The following PPP1R9A variants were observed in gnomAD, a reference collection of about 807,000 sequenced individuals.
The protein encoded by PPP1R9A is neurabin-1.
A neutral mutation model predicts 141.9 loss-of-function variants in PPP1R9A; 59 were observed. The observed-to-expected ratio is 0.42, with a 90% CI of 0.34 to 0.52. The LOEUF (loss-of-function observed/expected upper bound fraction) is 0.52. PPP1R9A is among the 20% of genes least tolerant of loss of function. The pLI is 0.10. For synonymous variants in PPP1R9A, 500 were observed against 569.7 expected, an observed-to-expected ratio of 0.88 and a Z score of 1.74; for missense variants, 1,444 against 1,611.9, an observed-to-expected ratio of 0.90 and a Z score of 1.78.
intron 2 of PPP1R9A, among the ~76,000 whole-genome samples, chr7:94,979,959 T>C (rs907658064): frequency 6.6e-6 from 1 of 152,122 alleles, no homozygotes. Context: ...AGGATTGAAA[T>C]ATTAAGTCAG....
intron 7 of PPP1R9A, among the ~76,000 whole-genome samples, chr7:95,204,967 A>T (rs371924614): frequency 1.8e-3 from 264 of 146,610 alleles, no homozygotes; most frequent in African/African-American, 6.3e-3. Flanking sequence ...CACACACCAC[A>T]CATACCCACA....
At chr7:95,201,709 T>C (rs1789602326) in intron 6 of PPP1R9A, among the ~76,000 whole-genome samples, 1 of 152,200 alleles carries the variant, frequency 6.6e-6, no homozygotes, top group South Asian at 2.1e-4. Flanking sequence ...ATTTCATATA[T>C]AATTGAACAA....
chr7:94,978,290 G>A (rs1163794134), intron 2 of PPP1R9A, among the ~76,000 whole-genome samples: 1 of 152,150 alleles, frequency 6.6e-6, no homozygotes, highest in Non-Finnish European at 1.5e-5. Flanking sequence ...GTACCAAAAA[G>A]CCAAATTATG....
chr7:94,923,087 T>C (rs924340553), intron 2 of PPP1R9A, among the ~76,000 whole-genome samples: 13 of 152,182 alleles, frequency 8.5e-5, no homozygotes, highest in Non-Finnish European at 1.3e-4. Context: ...ATTAAGTGCA[T>C]ATTTCTTAAA....
At chr7:95,134,324 GGGGGTCAAGGGGA>G (rs1333490332) in intron 4 of PPP1R9A, among the ~76,000 whole-genome samples, 1 of 152,132 alleles carries the variant, frequency 6.6e-6, no homozygotes, top group Non-Finnish European at 1.5e-5. Flanking sequence ...GTTGGTGGGT[GGGGGTCAAGGGGA>G]GGGAGAACAT....
chr7:95,034,914 A>C (rs577461864), intron 2 of PPP1R9A, among the ~76,000 whole-genome samples: 1 of 152,318 alleles, frequency 6.6e-6, no homozygotes, highest in South Asian at 2.1e-4. Context: ...GATGAGACCT[A>C]AATGCAGGGA....
intron 2 of PPP1R9A, among the ~76,000 whole-genome samples, chr7:95,047,904 A>G (rs1810255099): frequency 6.6e-6 from 1 of 152,198 alleles, no homozygotes; most frequent in Non-Finnish European, 1.5e-5. Flanking sequence ...ATAAGTATAA[A>G]AACATGCTGG....
At chr7:95,075,892 T>C (rs1814772806) in intron 2 of PPP1R9A, among the ~76,000 whole-genome samples, 1 of 151,938 alleles carries the variant, frequency 6.6e-6, no homozygotes, top group Admixed American at 6.6e-5. Context: ...GGGGCTTCTG[T>C]GGGGCAGAGC....
At position 95,291,822 on chromosome 7, in the gene PPP1R9A, A is replaced by G. The variant is rs181877419; in HGVS notation, c.*1519A>G. 9 of 152,242 alleles carry G rather than the reference A, an allele frequency of 5.9e-5. No homozygotes were observed. In the East Asian group the frequency reaches 1.7e-3, roughly 29 times the overall value. The allele number at this position is 152,242 out of a possible 1,614,324, so 9.4% of individuals were successfully genotyped here. ...CTGTTCCCAGCATCTCGTATCTTCC[A>G]CTAGAAGTATTCCATATTTAGAGCC... On this transcript the variant is annotated 3_prime_UTR_variant, in exon 20 of 20. Coordinates refer to ENST00000433360, the MANE Select transcript of PPP1R9A (RefSeq NM_001166160.2).
intron 5 of PPP1R9A, among the ~76,000 whole-genome samples, chr7:95,190,472 C>T (rs183611915): frequency 6.6e-6 from 1 of 152,134 alleles, no homozygotes; most frequent in Non-Finnish European, 1.5e-5. Flanking sequence ...GTTTTAGACA[C>T]GTTGAGGATG....
At chr7:95,135,854 C>CTTTTTTTTTTTTTT (rs58872136) in intron 4 of PPP1R9A, among the ~76,000 whole-genome samples, 2 of 73,078 alleles carry the variant, frequency 2.7e-5, no homozygotes, top group African/African-American at 1.1e-4. Context: ...TTCAGCTTTA[C>CTTTTTTTTTTTTTT]TTTTTTTTTT....
chr7:94,970,463 C>A (rs993769797), intron 2 of PPP1R9A, among the ~76,000 whole-genome samples: 1 of 152,082 alleles, frequency 6.6e-6, no homozygotes, highest in African/African-American at 2.4e-5. Context: ...TGGCTCATGC[C>A]CCACCCTGCT....
intron 2 of PPP1R9A, among the ~76,000 whole-genome samples, chr7:95,073,878 A>G (rs919743260): frequency 1.3e-5 from 2 of 152,064 alleles, no homozygotes; most frequent in South Asian, 4.1e-4. Flanking sequence ...CATGGAACCC[A>G]GCCCATAACT....
intron 2 of PPP1R9A, among the ~76,000 whole-genome samples, chr7:95,072,781 ATATT>A (rs1366645871): frequency 1.4e-3 from 150 of 103,834 alleles, no homozygotes; most frequent in Admixed American, 3.0e-3. Context: ...TTAAATATAT[ATATT>A]TATATATTAT....
chr7:94,994,690 T>C (rs753424776), intron 2 of PPP1R9A, among the ~76,000 whole-genome samples: 2 of 151,922 alleles, frequency 1.3e-5, no homozygotes, highest in Non-Finnish European at 2.9e-5. Context: ...GGTCAAGAGA[T>C]TGAGACCATC....
chr7:95,051,833 T>G (rs1275831971), intron 2 of PPP1R9A, among the ~76,000 whole-genome samples: 1 of 147,184 alleles, frequency 6.8e-6, no homozygotes, highest in Non-Finnish European at 1.5e-5. Context: ...AAAATTTTTT[T>G]TTTATTTTAA....
chr7:95,070,523 G>T (rs919188253), intron 2 of PPP1R9A, among the ~76,000 whole-genome samples: 28 of 149,248 alleles, frequency 1.9e-4, no homozygotes, highest in Non-Finnish European at 2.8e-4. Context: ...TATTTCATAG[G>T]ACTATACAGA....
intron 2 of PPP1R9A, among the ~76,000 whole-genome samples, chr7:94,994,953 G>T (rs1801987475): frequency 6.6e-6 from 1 of 151,220 alleles, no homozygotes; most frequent in South Asian, 2.1e-4. Flanking sequence ...AGCCAAATTT[G>T]CATTTTTGGG....
intron 2 of PPP1R9A, among the ~76,000 whole-genome samples, chr7:95,045,062 C>A (rs1809804700): frequency 1.3e-5 from 2 of 152,042 alleles, no homozygotes; most frequent in Admixed American, 1.3e-4. Flanking sequence ...ATGATTGACT[C>A]CTTTTAACTC....
Sources: gnomAD v4.1 joint callset for allele counts (sites outside exome capture counted in the v4.1 genomes callset) on GRCh38, gnomAD v4.1.1 for gene constraint, MANE v1.5 for transcripts, NCBI Gene and HGNC (gene_info 2026-07-23, HGNC 2026-07-21) for gene names.